Variants in NRF1 observed in about 807,000 individuals in gnomAD.
NRF1 encodes alpha palindromic-binding protein.
In NRF1, 5 loss-of-function variants were observed where a neutral mutation model predicts 58.5. The ratio of observed to expected loss-of-function variants is 0.09; its 90% CI spans 0.04 to 0.18. The LOEUF (loss-of-function observed/expected upper bound fraction) is 0.18. Among genes scored for constraint, NRF1 ranks in the 10% least tolerant of loss-of-function variants. The probability of loss-of-function intolerance (pLI) is 1.00; values close to 1 mark genes in which losing one functional copy is unlikely to be tolerated. For synonymous variants in NRF1, 224 were observed against 246.7 expected, an observed-to-expected ratio of 0.91 and a Z score of 0.86; for missense variants, 288 against 657.7, an observed-to-expected ratio of 0.44 and a Z score of 6.15.
intron 10 of NRF1, among the ~76,000 whole-genome samples, chr7:129,748,274 C>CAAAAAAAAA (rs10655886): frequency 2.6e-5 from 2 of 78,064 alleles, no homozygotes; most frequent in Non-Finnish European, 4.6e-5. Flanking sequence ...GACTCCGTCT[C>CAAAAAAAAA]AAAAAAAAAA....
intron 1 of NRF1, among the ~76,000 whole-genome samples, chr7:129,649,355 A>G (rs1801483321): frequency 6.6e-6 from 1 of 152,020 alleles, no homozygotes; most frequent in Non-Finnish European, 1.5e-5. Flanking sequence ...TAGGTGTCAG[A>G]TTTTCCCTTA....
chr7:129,646,139 A>T (rs1423386407), intron 1 of NRF1, among the ~76,000 whole-genome samples: 1 of 152,198 alleles, frequency 6.6e-6, no homozygotes, highest in African/African-American at 2.4e-5. Flanking sequence ...CCACCGCGCC[A>T]GGCCTGTGAG....
chr7:129,754,772 TGAAA>T (rs1296958539), intron 10 of NRF1, among the ~76,000 whole-genome samples: 1 of 152,156 alleles, frequency 6.6e-6, no homozygotes, highest in Non-Finnish European at 1.5e-5. Context: ...ATACATGCAT[TGAAA>T]CATCACATTG....
At chr7:129,639,420 C>T (rs889394212) in intron 1 of NRF1, among the ~76,000 whole-genome samples, 5 of 151,988 alleles carry the variant, frequency 3.3e-5, no homozygotes, top group African/African-American at 4.8e-5. Flanking sequence ...ATAATTTGTA[C>T]AGATTTTCAT....
At chr7:129,713,873 A>G (rs1019231100) in intron 8 of NRF1, among the ~76,000 whole-genome samples, 4 of 152,374 alleles carry the variant, frequency 2.6e-5, no homozygotes, top group African/African-American at 9.6e-5. Flanking sequence ...TGGGAGTTCT[A>G]TCCTGTCAAA....
intron 1 of NRF1, 66 bp from the exon 2 acceptor site, chr7:129,657,280 T>G (rs1801677221): frequency 8.5e-7 from 1 of 1,174,556 alleles, no homozygotes; most frequent in South Asian, 1.3e-5. Context: ...AAAATATCTC[T>G]TAGTTTAAAC....
intron 1 of NRF1, among the ~76,000 whole-genome samples, chr7:129,648,902 T>C (rs1021701565): frequency 1.3e-5 from 2 of 149,790 alleles, no homozygotes; most frequent in African/African-American, 2.4e-5. Flanking sequence ...GAACTACATG[T>C]ACAACTATAG....
intron 5 of NRF1, among the ~76,000 whole-genome samples, chr7:129,695,036 A>T (rs955189928): frequency 1.3e-5 from 2 of 152,234 alleles, no homozygotes; most frequent in African/African-American, 4.8e-5. Flanking sequence ...GACACTAAAA[A>T]TGATGATTTG....
At chr7:129,709,751 A>C (rs1803030305) in intron 6 of NRF1, among the ~76,000 whole-genome samples, 1 of 129,204 alleles carries the variant, frequency 7.7e-6, no homozygotes, top group African/African-American at 3.1e-5. Context: ...TTTTTTTGAG[A>C]CAGAGTCTCA....
chr7:129,633,324 T>C (rs988248103), intron 1 of NRF1: 3 of 152,242 alleles, frequency 2.0e-5, no homozygotes, highest in African/African-American at 7.2e-5. Context: ...CCTACAAGTA[T>C]TTCTGTGCTC....
rs759795290 is a variant in NRF1 at position 129,671,552 on chromosome 7, TC to T, written c.338+12del. 22 of 1,398,184 alleles carry T rather than the reference TC, an allele frequency of 1.6e-5. No homozygotes were observed. The highest frequency in any genetic ancestry group is 3.4e-5 in the Admixed American group (2 of 59,596). The allele number at this position is 1,398,184 out of a possible 1,614,324, so 86.6% of individuals were successfully genotyped here. ...CAAACACGTTTGCTTCGGTGAGGGC[TC>T]CCTTATCCATATTGTTACTATTCCT... On this transcript the variant is annotated intron_variant, in intron 3 of 10. Transcript: ENST00000393232.
At chr7:129,622,800 C>G (rs1403157442) in intron 1 of NRF1, among the ~76,000 whole-genome samples, 1 of 152,042 alleles carries the variant, frequency 6.6e-6, no homozygotes, top group Non-Finnish European at 1.5e-5. Flanking sequence ...GAACTCCTGA[C>G]CTCAGGTGAT....
At chr7:129,716,812 G>A (rs913721160) in intron 8 of NRF1, among the ~76,000 whole-genome samples, 1 of 151,588 alleles carries the variant, frequency 6.6e-6, no homozygotes, top group African/African-American at 2.4e-5. Flanking sequence ...GGAGGTTGCA[G>A]TGAGCCAAGA....
intron 1 of NRF1, among the ~76,000 whole-genome samples, chr7:129,622,374 A>G (rs1279760900): frequency 6.6e-6 from 1 of 152,060 alleles, no homozygotes. Context: ...TGATATTTAA[A>G]TTTTCTTCTA....
At chr7:129,656,737 G>C (rs1165806454) in intron 1 of NRF1, among the ~76,000 whole-genome samples, 2 of 152,058 alleles carry the variant, frequency 1.3e-5, no homozygotes, top group South Asian at 4.1e-4. Flanking sequence ...ACCACGCCTG[G>C]CTAATTTTTT....
At chr7:129,727,424 A>G in intron 10 of NRF1, 59 bp downstream of exon 10, 1 of 1,520,250 alleles carries the variant, frequency 6.6e-7, no homozygotes, top group Admixed American at 2.4e-5. Flanking sequence ...AACCTTCCTG[A>G]CATGACTGGC....
Position 129,657,405 on chromosome 7 carries a change from T to C in NRF1, c.54T>C (p.His18=), listed in dbSNP as rs762607065. The change falls in exon 2 of 11, where the codon CAT becomes CAC. Residue 18 remains histidine, a synonymous_variant. Transcript: ENST00000393232. ...AACATATGGCTACCATAGAAGCACA[T>C]GCAGTGGCCCAGCAAGTGCAGCAGG... ...QTEHMATIEA[H]AVAQQVQQVH... The C allele has an allele frequency of 1.2e-6, 2 of 1,614,108 alleles. No homozygotes were observed. Among genetic ancestry groups the C allele is most frequent in the Non-Finnish European group, 8.5e-7 (1 of 1,180,030 alleles).
chr7:129,648,442 GCTAA>G (rs1332840560), intron 1 of NRF1, among the ~76,000 whole-genome samples: 2 of 151,754 alleles, frequency 1.3e-5, no homozygotes, highest in African/African-American at 4.8e-5. Flanking sequence ...ACCACGCCCG[GCTAA>G]CTTTTTGTAT....
At chr7:129,748,446 G>C (rs1217992627) in intron 10 of NRF1, among the ~76,000 whole-genome samples, 2 of 152,132 alleles carry the variant, frequency 1.3e-5, no homozygotes, top group Non-Finnish European at 2.9e-5. Context: ...TCCCCTCAGA[G>C]GCAACCCCAT....
Sources: gnomAD v4.1 joint callset for allele counts (sites outside exome capture counted in the v4.1 genomes callset) on GRCh38, gnomAD v4.1.1 for gene constraint, MANE v1.5 for transcripts, NCBI Gene and HGNC (gene_info 2026-07-23, HGNC 2026-07-21) for gene names.